SLC41A2: variants seen among roughly 807,000 people sequenced by gnomAD.
The protein encoded by SLC41A2 is solute carrier family 41 member 2, also known as SLC41A1-like 1.
A neutral mutation model predicts 58.3 loss-of-function variants in SLC41A2; 32 were observed. The ratio of observed to expected loss-of-function variants is 0.55; its 90% confidence interval spans 0.41 to 0.74. SLC41A2 has a LOEUF of 0.74. Among genes scored for constraint, SLC41A2 ranks in the 30% least tolerant of loss-of-function variants. The pLI, the probability that SLC41A2 is intolerant of heterozygous loss-of-function variation, is 0.00. For synonymous variants in SLC41A2, 190 were observed against 235.0 expected (o/e 0.81, Z 1.75); for missense variants, 514 against 680.6 (o/e 0.76, Z 2.72).
intron 8 of SLC41A2, among the ~76,000 whole-genome samples, chr12:104,857,182 C>G (rs2043049025): frequency 6.6e-6 from 1 of 152,036 alleles, no homozygotes; most frequent in African/African-American, 2.4e-5. Flanking sequence ...AAGTGGTTTA[C>G]TATTGTTTGA....
intron 6 of SLC41A2, among the ~76,000 whole-genome samples, chr12:104,878,299 T>TATATATATATATATA (rs2044157733): frequency 7.1e-6 from 1 of 139,920 alleles, no homozygotes; most frequent in South Asian, 2.4e-4. Context: ...TACCTGTATT[T>TATATATATATATATA]TATATATATA....
chr12:104,923,996 G>C lies in SLC41A2; in HGVS notation c.555+3977C>G, dbSNP rs12427322. Among the ~76,000 whole-genome samples, 980 of 152,206 alleles carry C rather than the reference G, an allele frequency of 6.4e-3. 49 individuals are homozygous for C. The highest frequency in any genetic ancestry group is 0.057 in the Admixed American group (878 of 15,290). On this transcript the variant is annotated intron_variant, in intron 2 of 10. Transcript: ENST00000258538. ...AGGAAAAGAACTATTTCAAAATTAAGAACTTCTGCCACAGAGGAGAGAAAA... is the reference window on the plus strand; with the variant it reads ...AGGAAAAGAACTATTTCAAAATTAACAACTTCTGCCACAGAGGAGAGAAAA...
intron 1 of SLC41A2, among the ~76,000 whole-genome samples, chr12:104,940,351 TGG>T (rs61040954): frequency 6.8e-6 from 1 of 147,954 alleles, no homozygotes; most frequent in South Asian, 2.2e-4. Context: ...AAGGCTCACC[TGG>T]GGGGGAGGGG....
intron 1 of SLC41A2, among the ~76,000 whole-genome samples, chr12:104,938,975 T>A (rs890600744): frequency 6.6e-6 from 1 of 152,118 alleles, no homozygotes; most frequent in African/African-American, 2.4e-5. Flanking sequence ...TTAAAAACAA[T>A]CTTTTCCTAA....
intron 8 of SLC41A2, among the ~76,000 whole-genome samples, chr12:104,857,503 G>A (rs1009881277): frequency 6.6e-6 from 1 of 152,104 alleles, no homozygotes; most frequent in Non-Finnish European, 1.5e-5. Context: ...CCATTACTGG[G>A]TATACACCCA....
chr12:104,872,772 T>C (rs17036439), intron 6 of SLC41A2, among the ~76,000 whole-genome samples: 5,805 of 152,178 alleles, frequency 0.038, 153 homozygotes, highest in East Asian at 0.1. Flanking sequence ...TTGAATTCCA[T>C]GGATGCAGAG....
At chr12:104,948,411 A>C (rs2047815903) in intron 1 of SLC41A2, among the ~76,000 whole-genome samples, 1 of 151,736 alleles carries the variant, frequency 6.6e-6, no homozygotes, top group South Asian at 2.1e-4. Flanking sequence ...CTTAAACCTA[A>C]AGGAAAGGAG....
intron 1 of SLC41A2, among the ~76,000 whole-genome samples, chr12:104,949,014 G>A (rs1257915963): frequency 6.6e-6 from 1 of 152,068 alleles, no homozygotes; most frequent in South Asian, 2.1e-4. Context: ...TCAGGAGTTC[G>A]AGACCAGCCT....
intron 2 of SLC41A2, among the ~76,000 whole-genome samples, chr12:104,919,812 CTG>C: frequency 6.6e-6 from 1 of 152,224 alleles, no homozygotes; most frequent in Non-Finnish European, 1.5e-5. Context: ...TCAGAGTAAA[CTG>C]TTTCTTTTAT....
chr12:104,955,066 G>T (rs1593203261), intron 1 of SLC41A2, among the ~76,000 whole-genome samples: 1 of 127,496 alleles, frequency 7.8e-6, no homozygotes, highest in Non-Finnish European at 1.6e-5. Flanking sequence ...TTTGCTCTGT[G>T]CAGTGGCGTG....
chr12:104,872,739 A>G (rs891636271), intron 6 of SLC41A2, among the ~76,000 whole-genome samples: 2 of 152,074 alleles, frequency 1.3e-5, no homozygotes, highest in African/African-American at 2.4e-5. Context: ...TCTCCAAAAG[A>G]AAAAAAAGAA....
intron 5 of SLC41A2, among the ~76,000 whole-genome samples, chr12:104,888,404 A>G (rs1218017711): frequency 3.3e-5 from 5 of 152,094 alleles, no homozygotes; most frequent in Non-Finnish European, 7.4e-5. Flanking sequence ...TAAAAAGAAC[A>G]AAGTCTTTAT....
In SLC41A2 at chr12:104,921,419, C is replaced by T. The variant is rs370036550; in HGVS notation, c.555+6554G>A. ...AACATGTGAAGGAGCTCCAGGTCAT[C>T]TGGCAACAGACTTTTCAGCAGAAAC... is the stretch of plus-strand genomic sequence containing the variant. On this transcript the variant is annotated intron_variant, in intron 2 of 10. Coordinates refer to ENST00000258538, the MANE Select transcript of SLC41A2 (RefSeq NM_001352171.3). 1.4e-3 allele frequency among the ~76,000 whole-genome samples: 209 copies of T among 151,854 alleles called. 10 individuals carry two copies. The South Asian group carries it at 0.04, about 29-fold the overall frequency.
intron 1 of SLC41A2, among the ~76,000 whole-genome samples, chr12:104,938,214 A>C (rs1593176735): frequency 6.6e-6 from 1 of 152,230 alleles, no homozygotes; most frequent in Non-Finnish European, 1.5e-5. Context: ...GAGTGCTTAC[A>C]TTTGGTGAAG....
At chr12:104,920,611 C>T (rs544612515) in intron 2 of SLC41A2, among the ~76,000 whole-genome samples, 4 of 151,912 alleles carry the variant, frequency 2.6e-5, no homozygotes, top group South Asian at 2.1e-4. Flanking sequence ...GACCCTGTCT[C>T]GACAAAATTT....
chr12:104,892,046 TCC>T (rs1048318017), intron 4 of SLC41A2, among the ~76,000 whole-genome samples: 2 of 152,234 alleles, frequency 1.3e-5, no homozygotes, highest in Non-Finnish European at 2.9e-5. Flanking sequence ...ACACCTGTAA[TCC>T]CAGTACTTCG....
chr12:104,924,609 T>G (rs1490968906), intron 2 of SLC41A2, among the ~76,000 whole-genome samples: 1 of 152,104 alleles, frequency 6.6e-6, no homozygotes, highest in Non-Finnish European at 1.5e-5. Context: ...CCAGGTGTGG[T>G]GGCACATGCC....
At chr12:104,829,311 G>A (rs545067021) in intron 10 of SLC41A2, among the ~76,000 whole-genome samples, 1 of 152,042 alleles carries the variant, frequency 6.6e-6, no homozygotes, top group South Asian at 2.1e-4. Flanking sequence ...CTACTACTCA[G>A]CAATAAAAAT....
At chr12:104,898,611 G>A (rs572777925) in intron 3 of SLC41A2, among the ~76,000 whole-genome samples, 47 of 149,178 alleles carry the variant, frequency 3.2e-4, no homozygotes, top group Middle Eastern at 3.5e-3. Context: ...ACTTCCAAGT[G>A]TTAGGTGTAT....
Sources: allele counts gnomAD v4.1 joint callset (sites outside exome capture counted in the v4.1 genomes callset), GRCh38; gene constraint gnomAD v4.1.1; transcripts MANE v1.5; gene names NCBI Gene and HGNC (gene_info 2026-07-23, HGNC 2026-07-21).